The following PLD1 variants were observed in gnomAD, a reference collection of about 807,000 sequenced individuals.
The protein encoded by PLD1 is choline phosphatase 1.
In PLD1, 112 loss-of-function variants were observed where a neutral mutation model predicts 137.1. The observed-to-expected ratio is 0.82, with a 90% CI of 0.70 to 0.96. The LOEUF is 0.96. PLD1 is among the 40% of genes least tolerant of loss of function. PLD1 has a pLI of 0.00. For synonymous variants in PLD1, 431 were observed against 454.7 expected, an observed-to-expected ratio of 0.95 and a Z score of 0.66; for missense variants, 1,321 against 1,342.0, an observed-to-expected ratio of 0.98 and a Z score of 0.24.
chr3:171,735,333 G>A (rs1363427086), intron 4 of PLD1, among the ~76,000 whole-genome samples, 159 bp downstream of exon 4: 1 of 152,056 alleles, frequency 6.6e-6, no homozygotes, highest in African/African-American at 2.4e-5. Flanking sequence ...AGGAGGTCTT[G>A]CTACGTTACA....
chr3:171,603,592 C>T lies in PLD1; in HGVS notation c.3001-290G>A, dbSNP rs549449094. Reference sequence around the variant, plus strand: ...AATTTTTTTTGGATAATAATCATCCCTGAATTTCACTGGAGCTTCTGGTCT... The same window carrying T: ...AATTTTTTTTGGATAATAATCATCCTTGAATTTCACTGGAGCTTCTGGTCT... On this transcript the variant is annotated intron_variant, in intron 26 of 26. Transcript: ENST00000351298. Among the ~76,000 whole-genome samples the T allele has an allele frequency of 6.2e-4, 95 of 152,228 alleles. 1 individual carries two copies. The South Asian group carries it at 0.014, about 22-fold the overall frequency.
At chr3:171,615,547 T>C (rs1469755558) in intron 24 of PLD1, among the ~76,000 whole-genome samples, 1 of 152,228 alleles carries the variant, frequency 6.6e-6, no homozygotes, top group Non-Finnish European at 1.5e-5. Flanking sequence ...ATGTTTAACT[T>C]TGTGTTCATC....
chr3:171,746,016 G>T (rs948274026), intron 1 of PLD1, among the ~76,000 whole-genome samples: 1 of 108,208 alleles, frequency 9.2e-6, no homozygotes, highest in Non-Finnish European at 1.8e-5. Flanking sequence ...GCAGTGAGGG[G>T]CTTAGCACCG....
chr3:171,790,212 C>A (rs1001327104), intron 1 of PLD1, among the ~76,000 whole-genome samples: 2 of 152,206 alleles, frequency 1.3e-5, no homozygotes. Flanking sequence ...AGCTTCAGCT[C>A]CACTCACAGG....
At chr3:171,694,522 T>C (rs1715502477) in intron 12 of PLD1, among the ~76,000 whole-genome samples, 1 of 151,658 alleles carries the variant, frequency 6.6e-6, no homozygotes, top group South Asian at 2.1e-4. Context: ...TTTTGGTATT[T>C]GAATATTTTA....
In PLD1 at chr3:171,601,555, A is replaced by G. The variant is rs560172129; in HGVS notation, c.*1523T>C. The G allele has an allele frequency of 6.8e-6, 1 of 147,822 alleles. No individual in the cohort carries two copies. Among genetic ancestry groups the G allele is most frequent in the Admixed American group, 6.6e-5 (1 of 15,112 alleles). The allele number at this position is 147,822 out of a possible 1,614,324, so 9.2% of individuals were successfully genotyped here. A position where few individuals can be genotyped will look rare whatever the true frequency, so the allele number is the denominator to read the frequency against. On this transcript the variant is annotated 3_prime_UTR_variant, in exon 27 of 27. Coordinates refer to ENST00000351298, the MANE Select transcript of PLD1 (RefSeq NM_002662.5). ...TCACCTTATTTGTGAAATGTTCCCT[A>G]GCTATGAGATCCTGCCCTTGATGTG...
At chr3:171,799,694 A>G (rs912420406) in intron 1 of PLD1, among the ~76,000 whole-genome samples, 2 of 152,226 alleles carry the variant, frequency 1.3e-5, no homozygotes, top group Non-Finnish European at 2.9e-5. Context: ...ACACAACTTC[A>G]GTGAGGTGAT....
chr3:171,764,924 GGAAAGAAAGGAAAGAAAGAAAGAAAGAAA>G lies in PLD1; in HGVS notation c.-31-26871_-31-26843del, dbSNP rs1322731842. 6.0e-3 allele frequency among the ~76,000 whole-genome samples: 123 copies of G among 20,448 alleles called. 12 individuals are homozygous for G. Among genetic ancestry groups the G allele is most frequent in the African/African-American group, 0.015 (94 of 6,282 alleles). The allele number at this position is 20,448 out of a possible 152,430, so 13.4% of individuals were successfully genotyped here. A position where few individuals can be genotyped will look rare whatever the true frequency, so the allele number is the denominator to read the frequency against. ...GGAAGGAAGGAAGGAAAGAAAGAAAGGAAAGAAAGGAAAGAAAGAAAGAAAGAAAGAAAGAAAGAAAGAAAGAAAGAAAG... is the reference window on the plus strand; with the variant it reads ...GGAAGGAAGGAAGGAAAGAAAGAAAGGAAAGAAAGAAAGAAAGAAAGAAAG... On this transcript the variant is annotated intron_variant, in intron 1 of 26. Coordinates refer to ENST00000351298, the MANE Select transcript of PLD1 (RefSeq NM_002662.5).
chr3:171,737,522 A>C lies in PLD1; in HGVS notation c.288+10T>G, dbSNP rs1719449209. 6.3e-7 allele frequency: 1 copy of C among 1,597,172 alleles called. No individual in the cohort carries two copies. Among genetic ancestry groups the C allele is most frequent in the South Asian group, 1.1e-5 (1 of 87,206 alleles). Reference sequence around the variant, plus strand: ...AAAAGAAAAAAGGGTGAGTCCATAAACGCTCTGACCCTTGTTGTAGATGTG... The same window carrying C: ...AAAAGAAAAAAGGGTGAGTCCATAACCGCTCTGACCCTTGTTGTAGATGTG... On this transcript the variant is annotated intron_variant, in intron 3 of 26. Coordinates refer to ENST00000351298, the MANE Select transcript of PLD1 (RefSeq NM_002662.5).
At chr3:171,714,314 A>T (rs1717508081) in intron 8 of PLD1, among the ~76,000 whole-genome samples, 1 of 152,222 alleles carries the variant, frequency 6.6e-6, no homozygotes, top group Non-Finnish European at 1.5e-5. Context: ...AAACTGGAGG[A>T]ATGTCCCTAA....
At chr3:171,795,715 T>G (rs1251850763) in intron 1 of PLD1, among the ~76,000 whole-genome samples, 1 of 152,226 alleles carries the variant, frequency 6.6e-6, no homozygotes, top group Non-Finnish European at 1.5e-5. Flanking sequence ...TTCTTGTGTT[T>G]TACTCATGCT....
chr3:171,714,140 C>G (rs955746419), intron 8 of PLD1, 95 bp from the exon 9 acceptor site: 31 of 732,370 alleles, frequency 4.2e-5, no homozygotes, highest in South Asian at 3.5e-4. Flanking sequence ...ATCACTCTGG[C>G]AGACTGTAGA....
chr3:171,636,280 A>T (rs533680370), intron 23 of PLD1, among the ~76,000 whole-genome samples: 1 of 152,098 alleles, frequency 6.6e-6, no homozygotes, highest in South Asian at 2.1e-4. Context: ...ATTTCACATG[A>T]ACTTTCAGAT....
chr3:171,633,961 T>C (rs1488933854), intron 23 of PLD1, among the ~76,000 whole-genome samples: 4 of 152,238 alleles, frequency 2.6e-5, no homozygotes, highest in African/African-American at 9.6e-5. Context: ...GCAGCAGTTT[T>C]GTTATTCTAA....
intron 6 of PLD1, among the ~76,000 whole-genome samples, chr3:171,733,104 C>T (rs1252257902): frequency 6.6e-6 from 1 of 152,186 alleles, no homozygotes; most frequent in Non-Finnish European, 1.5e-5. Context: ...TCAACAGTTA[C>T]TCTTTGTAGC....
chr3:171,684,789 G>A (rs55876430), intron 16 of PLD1, among the ~76,000 whole-genome samples: 2,142 of 152,182 alleles, frequency 0.014, 48 homozygotes, highest in African/African-American at 0.045. Context: ...GTTTCACTGC[G>A]TTGCCGAAGA....
At chr3:171,651,599 C>T (rs1736773093) in intron 21 of PLD1, among the ~76,000 whole-genome samples, 1 of 152,094 alleles carries the variant, frequency 6.6e-6, no homozygotes, top group Non-Finnish European at 1.5e-5. Flanking sequence ...AGATTATGAA[C>T]TATTATATAT....
intron 23 of PLD1, among the ~76,000 whole-genome samples, chr3:171,631,825 C>T (rs1328133456): frequency 6.6e-6 from 1 of 151,910 alleles, no homozygotes; most frequent in Non-Finnish European, 1.5e-5. Flanking sequence ...AGTAGAATTC[C>T]AACTAATTAA....
chr3:171,762,857 G>C (rs1461913488), intron 1 of PLD1, among the ~76,000 whole-genome samples: 1 of 152,148 alleles, frequency 6.6e-6, no homozygotes, highest in East Asian at 1.9e-4. Flanking sequence ...GCAGCTATAA[G>C]AGTGTAAATT....
Sources: gnomAD v4.1 joint callset for allele counts (sites outside exome capture counted in the v4.1 genomes callset) on GRCh38, gnomAD v4.1.1 for gene constraint, MANE v1.5 for transcripts, NCBI Gene and HGNC (gene_info 2026-07-23, HGNC 2026-07-21) for gene names.